Variants in RBPJ observed in about 807,000 individuals in gnomAD.
RBPJ encodes recombination signal binding protein for immunoglobulin kappa J region, also known as recombining binding protein suppressor of hairless.
RBPJ carries 9 observed loss-of-function variants against 67.8 expected under a neutral mutation model. The observed-to-expected ratio is 0.13, with a 90% CI of 0.08 to 0.23. RBPJ has a LOEUF of 0.23. Ranked by LOEUF, RBPJ falls within the 10% of genes least tolerant of loss-of-function variation. RBPJ has a pLI of 1.00. For missense variants in RBPJ, 305 were observed against 595.6 expected (o/e 0.51, Z 5.08); for synonymous variants, 198 against 203.3 (o/e 0.97, Z 0.22).
chr4:26,392,337 A>G (rs562908559), intron 2 of RBPJ, among the ~76,000 whole-genome samples: 12 of 152,316 alleles, frequency 7.9e-5, no homozygotes, highest in African/African-American at 2.6e-4. Context: ...GGAAAATGAA[A>G]ACATCTGAAT....
At chr4:26,146,985 C>T in the RBPJ span, among the ~76,000 whole-genome samples, 1 of 152,202 alleles carries the variant, frequency 6.6e-6, no homozygotes, top group Non-Finnish European at 1.5e-5. Flanking sequence ...GGAACAACGG[C>T]TCCGTCAAAG....
intron 1 of RBPJ, among the ~76,000 whole-genome samples, chr4:26,241,655 G>T (rs1246415595): frequency 6.6e-6 from 1 of 151,910 alleles, no homozygotes; most frequent in Non-Finnish European, 1.5e-5. Flanking sequence ...GAGACTACAG[G>T]CATGCCCCAC....
intron 2 of RBPJ, among the ~76,000 whole-genome samples, chr4:26,400,067 A>G (rs907034338): frequency 2.3e-4 from 35 of 152,214 alleles, no homozygotes; most frequent in African/African-American, 8.4e-4. Context: ...AAGTATTCAA[A>G]AAAACAGTTC....
intron 1 of RBPJ, among the ~76,000 whole-genome samples, chr4:26,355,164 A>C (rs573000538): frequency 6.6e-6 from 1 of 152,020 alleles, no homozygotes; most frequent in Non-Finnish European, 1.5e-5. Context: ...TACCTAAGCC[A>C]CTGCCCACCT....
chr4:26,352,694 C>T (rs1262294275), intron 1 of RBPJ, among the ~76,000 whole-genome samples: 1 of 152,214 alleles, frequency 6.6e-6, no homozygotes, highest in East Asian at 1.9e-4. Context: ...CAGAGTGAAA[C>T]TCTGTCTCAA....
chr4:26,232,171 C>T (rs1383756142), intron 1 of RBPJ, among the ~76,000 whole-genome samples: 2 of 152,122 alleles, frequency 1.3e-5, no homozygotes, highest in Non-Finnish European at 2.9e-5. Context: ...GCTGGGATTA[C>T]AGGCATGAAC....
chr4:26,117,761 G>T, the RBPJ span, among the ~76,000 whole-genome samples: 616 of 152,226 alleles, frequency 4.0e-3, 15 homozygotes, highest in Admixed American at 0.028. Context: ...TTTCTGTGAA[G>T]AAGTAACAAG....
the RBPJ span, among the ~76,000 whole-genome samples, chr4:26,152,280 G>T: frequency 6.6e-6 from 1 of 152,160 alleles, no homozygotes; most frequent in African/African-American, 2.4e-5. Flanking sequence ...CACGTGGTTT[G>T]CCATCTGTCT....
chr4:26,219,370 G>C (rs181318372), intron 1 of RBPJ, among the ~76,000 whole-genome samples: 37 of 152,332 alleles, frequency 2.4e-4, no homozygotes, highest in Middle Eastern at 3.4e-3. Flanking sequence ...GATCAGGACA[G>C]AAATACTTTG....
intron 1 of RBPJ, among the ~76,000 whole-genome samples, chr4:26,349,935 C>T (rs764670964): frequency 1.3e-5 from 2 of 152,274 alleles, no homozygotes; most frequent in South Asian, 2.1e-4. Flanking sequence ...TGTTTTATTT[C>T]GGTTAAAGCA....
the RBPJ span, among the ~76,000 whole-genome samples, chr4:26,129,637 A>G: frequency 3.9e-5 from 6 of 152,138 alleles, no homozygotes; most frequent in African/African-American, 1.4e-4. Context: ...TGATGATGCT[A>G]TTGTAAGACG....
intron 1 of RBPJ, among the ~76,000 whole-genome samples, chr4:26,257,102 G>T (rs1175594437): frequency 1.3e-5 from 2 of 152,180 alleles, no homozygotes; most frequent in African/African-American, 4.8e-5. Context: ...GTAATTGCTA[G>T]TATTTGTTGA....
chr4:26,157,643 T>C, the RBPJ span, among the ~76,000 whole-genome samples: 2 of 152,242 alleles, frequency 1.3e-5, no homozygotes, highest in Admixed American at 6.5e-5. Context: ...ACATTCCTTA[T>C]TGTAATGTGA....
At position 26,228,845 on chromosome 4, in the gene RBPJ, A is replaced by G. The variant is rs144295123; in HGVS notation, c.-167+65231A>G. ...ATTCATACAGAACTTGGACCTGCAG[A>G]GCTTGGTACAGAAACTCTCTGTTAC... On this transcript the variant is annotated intron_variant, in intron 1 of 4. Transcript: ENST00000512351. 1.2e-4 allele frequency among the ~76,000 whole-genome samples: 19 copies of G among 152,316 alleles called. No individual in the cohort carries two copies. The East Asian group carries it at 3.7e-3, about 29-fold the overall frequency.
chr4:26,393,516 A>G (rs1051672219), intron 2 of RBPJ, among the ~76,000 whole-genome samples: 2 of 152,104 alleles, frequency 1.3e-5, no homozygotes, highest in Admixed American at 6.5e-5. Context: ...CAGGGACTAC[A>G]GGTGCACACA....
intron 1 of RBPJ, among the ~76,000 whole-genome samples, chr4:26,301,918 G>A (rs1055778108): frequency 5.9e-5 from 9 of 151,964 alleles, no homozygotes; most frequent in African/African-American, 7.3e-5. Context: ...GCAGCCTCCC[G>A]AGTAGCTGGG....
chr4:26,237,687 C>T (rs1389288989), intron 1 of RBPJ, among the ~76,000 whole-genome samples: 1 of 152,174 alleles, frequency 6.6e-6, no homozygotes, highest in East Asian at 1.9e-4. Flanking sequence ...GAGAAAATCA[C>T]TTCAATTTTT....
intron 1 of RBPJ, among the ~76,000 whole-genome samples, chr4:26,175,997 C>T (rs1360558484): frequency 3.9e-5 from 6 of 152,094 alleles, no homozygotes; most frequent in South Asian, 2.1e-4. Context: ...GCAGGGCTTT[C>T]GGGTAAATCT....
chr4:26,131,204 C>G, the RBPJ span, among the ~76,000 whole-genome samples: 1 of 152,208 alleles, frequency 6.6e-6, no homozygotes, highest in African/African-American at 2.4e-5. Context: ...GTGATAAAAA[C>G]ACAGCACAGG....
Sources: gnomAD v4.1 joint callset for allele counts (sites outside exome capture counted in the v4.1 genomes callset) on GRCh38, gnomAD v4.1.1 for gene constraint, MANE v1.5 for transcripts, NCBI Gene and HGNC (gene_info 2026-07-23, HGNC 2026-07-21) for gene names.